PDCD6: variants seen among roughly 807,000 people sequenced by gnomAD.
The protein encoded by PDCD6 is programmed cell death 6.
A neutral mutation model predicts 28.3 loss-of-function variants in PDCD6; 12 were observed. The observed-to-expected ratio is 0.42, with a 90% CI of 0.27 to 0.69. The LOEUF (loss-of-function observed/expected upper bound fraction) is 0.69. Among genes scored for constraint, PDCD6 ranks in the 30% least tolerant of loss-of-function variants. PDCD6 has a pLI of 0.22. For synonymous variants in PDCD6, 92 were observed against 108.0 expected (o/e 0.85, Z 0.92); for missense variants, 226 against 269.9 (o/e 0.84, Z 1.14).
rs369773937 is a variant in PDCD6 at position 295,070 on chromosome 5, T to C, written c.164-9107T>C. On this transcript the variant is annotated intron_variant, in intron 2 of 5. Coordinates refer to ENST00000264933, the MANE Select transcript of PDCD6 (RefSeq NM_013232.4). Reference sequence around the variant, plus strand: ...GGGCGGTGGCGTGAGCACCTGCACCTCACTGTGGGCTGCTGCGGCTGAGGG... The same window carrying C: ...GGGCGGTGGCGTGAGCACCTGCACCCCACTGTGGGCTGCTGCGGCTGAGGG... Among the ~76,000 whole-genome samples, 15 of 152,126 alleles carry C rather than the reference T, an allele frequency of 9.9e-5. No individual in the cohort carries two copies. The East Asian group carries it at 1.9e-3, about 20-fold the overall frequency.
Position 314,404 on chromosome 5 carries a change from G to C in PDCD6, c.478-13G>C, listed in dbSNP as rs146908777. The C allele has an allele frequency of 4.4e-6, 7 of 1,599,706 alleles. No homozygotes were observed. In the Admixed American group the frequency reaches 5.0e-5, roughly 11 times the overall value. ...ATTTACTATCGAGATTTAAATGCCT[G>C]TTTTCTCCCCAGAGGTTGACGGATA... On this transcript the variant is annotated splice_polypyrimidine_tract_variant and intron_variant, in intron 5 of 5. Coordinates refer to ENST00000264933, the MANE Select transcript of PDCD6 (RefSeq NM_013232.4).
chr5:300,470 AC>A (rs1291237915), intron 2 of PDCD6, among the ~76,000 whole-genome samples: 3 of 152,012 alleles, frequency 2.0e-5, no homozygotes, highest in African/African-American at 7.2e-5. Context: ...GGTCTCAGGG[AC>A]CCCCATGCAG....
rs372941025 is a variant in PDCD6, at chr5:281,763, CTGA to C, written c.163+8994_163+8996del. On this transcript the variant is annotated intron_variant, in intron 2 of 5. Transcript: ENST00000264933. ...CTACAGCTGGAGATCCGGAGAGGAG[CTGA>C]TGTTTTAGATTGAGGGTCGTGCAGC... Among the ~76,000 whole-genome samples the C allele has an allele frequency of 2.5e-3, 376 of 150,410 alleles. 1 individual carries two copies. The highest frequency in any genetic ancestry group is 8.8e-3 in the African/African-American group (360 of 40,690).
chr5:314,410 T>C lies in PDCD6; in HGVS notation c.478-7T>C, dbSNP rs749184352. 7.5e-6 allele frequency: 12 copies of C among 1,603,724 alleles called. No individual in the cohort carries two copies. Among genetic ancestry groups the C allele is most frequent in the Non-Finnish European group, 1.0e-5 (12 of 1,171,282 alleles). ...TATCGAGATTTAAATGCCTGTTTTC[T>C]CCCCAGAGGTTGACGGATATATTCA... On this transcript the variant is annotated splice_region_variant and splice_polypyrimidine_tract_variant and intron_variant, in intron 5 of 5. Coordinates refer to ENST00000264933, the MANE Select transcript of PDCD6 (RefSeq NM_013232.4).
intron 2 of PDCD6, among the ~76,000 whole-genome samples, chr5:299,232 C>A (rs538737859): frequency 2.5e-5 from 1 of 39,598 alleles, no homozygotes; most frequent in South Asian, 1.0e-3. Flanking sequence ...GCTGTTCCCC[C>A]TCCGCTGCTC....
At chr5:284,639 C>T (rs142498467) in intron 2 of PDCD6, among the ~76,000 whole-genome samples, 2,586 of 147,362 alleles carry the variant, frequency 0.018, 73 homozygotes, top group African/African-American at 0.065. Flanking sequence ...AGGTTGAGGA[C>T]CGTGCAGCTG....
At chr5:299,840 C>G (rs534603039) in intron 2 of PDCD6, among the ~76,000 whole-genome samples, 1 of 150,742 alleles carries the variant, frequency 6.6e-6, no homozygotes, top group South Asian at 2.1e-4. Context: ...CCAGCCACCG[C>G]GCCCAGCTGG....
In PDCD6 at chr5:314,331, G is replaced by A. The variant is rs1579563795; in HGVS notation, c.478-86G>A. 3.3e-6 allele frequency: 3 copies of A among 918,748 alleles called. No homozygotes were observed. The Admixed American group carries it at 5.6e-5, about 17-fold the overall frequency. 56.9% of individuals were successfully genotyped at this position (918,748 alleles called of 1,614,324 possible). A position where few individuals can be genotyped will look rare whatever the true frequency, so the allele number is the denominator to read the frequency against. On this transcript the variant is annotated intron_variant, in intron 5 of 5. Transcript: ENST00000264933. ...GAGCCCAGAAGACGTGTGTGCTTCTGAAATTGGGTCCCTACATGCCTTTGT... is the reference window on the plus strand; with the variant it reads ...GAGCCCAGAAGACGTGTGTGCTTCTAAAATTGGGTCCCTACATGCCTTTGT...
At position 314,455 on chromosome 5, in the gene PDCD6, G is replaced by A; in HGVS notation, c.516G>A (p.Gln172=). 1 of 1,613,862 alleles carries A rather than the reference G, an allele frequency of 6.2e-7. No homozygotes were observed. The highest frequency in any genetic ancestry group is 1.1e-5 in the South Asian group (1 of 91,080). Residue 172 remains glutamine (Q), a synonymous_variant, in exon 6 of 6, where the codon CAG becomes CAA. Transcript: ENST00000264933. ...TDIFRRYDTD[Q]DGWIQVSYEQ... is the part of the protein sequence containing the mutation. ...TATTCAGACGTTACGACACGGATCA[G>A]GACGGCTGGATTCAGGTGTCGTACG...
intron 2 of PDCD6, among the ~76,000 whole-genome samples, chr5:299,753 A>T (rs62329988): frequency 2.0e-5 from 3 of 151,948 alleles, no homozygotes; most frequent in Non-Finnish European, 4.4e-5. Context: ...GTTTCACCAT[A>T]TTAGCCAGGA....
At chr5:281,733 G>C (rs1738573803) in intron 2 of PDCD6, among the ~76,000 whole-genome samples, 1 of 152,154 alleles carries the variant, frequency 6.6e-6, no homozygotes, top group Admixed American at 6.5e-5. Context: ...TCTAGTTTGA[G>C]GGCCCTACAG....
intron 2 of PDCD6, among the ~76,000 whole-genome samples, chr5:292,083 G>T (rs1739347296): frequency 6.6e-6 from 1 of 152,128 alleles, no homozygotes; most frequent in Non-Finnish European, 1.5e-5. Context: ...GTTGTTGGTG[G>T]TGGGATTTTT....
intron 5 of PDCD6, 27 bp downstream of exon 5, chr5:311,429 G>C (rs1168829460): frequency 6.7e-7 from 1 of 1,484,326 alleles, no homozygotes; most frequent in African/African-American, 1.4e-5. Context: ...ACGTGGGTTT[G>C]TGGTGGTGGT....
Position 311,871 on chromosome 5 carries a change from G to C in PDCD6, c.477+469G>C, listed in dbSNP as rs192264683. 4.8e-3 allele frequency: 816 copies of C among 171,444 alleles called. 5 individuals are homozygous for C. The highest frequency in any genetic ancestry group is 0.019 in the African/African-American group (777 of 41,622). The allele number at this position is 171,444 out of a possible 1,614,324, so 10.6% of individuals were successfully genotyped here. A position where few individuals can be genotyped will look rare whatever the true frequency, so the allele number is the denominator to read the frequency against. On this transcript the variant is annotated intron_variant, in intron 5 of 5. Transcript: ENST00000264933. Reference sequence around the variant, plus strand: ...AGCTAATTTTTGTATTTTTAGTAGAGACGGGATTTTGCCATGTTGGCCAGG... The same window carrying C: ...AGCTAATTTTTGTATTTTTAGTAGACACGGGATTTTGCCATGTTGGCCAGG...
At chr5:282,299 C>T (rs1411234868) in intron 2 of PDCD6, among the ~76,000 whole-genome samples, 2 of 122,378 alleles carry the variant, frequency 1.6e-5, no homozygotes, top group Non-Finnish European at 3.4e-5. Flanking sequence ...ATGTTGTTCG[C>T]GTTGAGGGTC....
In PDCD6 at chr5:307,967, G is replaced by T. The variant is rs944468418; in HGVS notation, c.367+1207G>T. ...GCTGGATGGCTCTGAATTGGTACTT[G>T]GAATGCAGCTGACCTTGCTGTGCCC... On this transcript the variant is annotated intron_variant, in intron 4 of 5. Transcript: ENST00000264933. This position sits in a 1 kb window ranked among gnomAD's most constrained non-coding sequence, Gnocchi z 6.1. 6.6e-6 allele frequency among the ~76,000 whole-genome samples: 1 copy of T among 152,144 alleles called. No individual in the cohort carries two copies. The highest frequency in any genetic ancestry group is 2.4e-5 in the African/African-American group (1 of 41,432).
intron 2 of PDCD6, among the ~76,000 whole-genome samples, chr5:274,486 T>A (rs1423185773): frequency 6.6e-6 from 1 of 152,212 alleles, no homozygotes; most frequent in Non-Finnish European, 1.5e-5. Context: ...GAGGGAGTAT[T>A]GAGGAAATGC....
Position 271,792 on chromosome 5 carries a change from C to A in PDCD6, c.72C>A (p.Asp24Glu). Residue 24 changes from aspartate (D) to glutamate (E), a missense_variant, in exon 1 of 6, where the codon GAC becomes GAA. Coordinates refer to ENST00000264933, the MANE Select transcript of PDCD6 (RefSeq NM_013232.4). Reference sequence around the variant, plus strand: ...CTGCTGCAGGCGCGGCGCTGCCGGACCAGAGCTTCCTGTGGAACGTTTTCC... The same window carrying A: ...CTGCTGCAGGCGCGGCGCTGCCGGAACAGAGCTTCCTGTGGAACGTTTTCC... The part of the protein sequence containing the change: ...PGPAAGAALP[D>E]QSFLWNVFQR... The A allele has an allele frequency of 6.8e-7, 1 of 1,469,124 alleles. No homozygotes were observed. Among genetic ancestry groups the A allele is most frequent in the Non-Finnish European group, 9.0e-7 (1 of 1,115,892 alleles). 91.0% of individuals were successfully genotyped at this position (1,469,124 alleles called of 1,614,324 possible). A position where few individuals can be genotyped will look rare whatever the true frequency, so the allele number is the denominator to read the frequency against.
chr5:289,642 A>C (rs1474923486), intron 2 of PDCD6: 4 of 1,121,250 alleles, frequency 3.6e-6, no homozygotes, highest in East Asian at 4.7e-5. Flanking sequence ...TTTATTTTTC[A>C]AAGGGCTCAC....
Sources: allele counts gnomAD v4.1 joint callset (sites outside exome capture counted in the v4.1 genomes callset), GRCh38; gene constraint gnomAD v4.1.1; non-coding constraint Gnocchi (gnomAD v3.1); transcripts MANE v1.5; gene names NCBI Gene and HGNC (gene_info 2026-07-23, HGNC 2026-07-21).